Variants in KCTD14 observed in about 807,000 individuals in gnomAD.
KCTD14 encodes potassium channel tetramerization domain containing 14.
KCTD14 carries 7 observed loss-of-function variants against 5.9 expected under a neutral mutation model. The observed-to-expected ratio is 1.19, with a 90% confidence interval of 0.68 to 2.23. The LOEUF (loss-of-function observed/expected upper bound fraction) is 2.23. Among genes scored for constraint, KCTD14 ranks in the 30% most tolerant of loss-of-function variants. KCTD14 has a pLI of 0.00. For synonymous variants in KCTD14, 140 were observed against 133.1 expected (o/e 1.05, Z -0.36); for missense variants, 342 against 332.2 (o/e 1.03, Z -0.23).
At chr11:78,020,524 C>G (rs182492017) in intron 1 of KCTD14, among the ~76,000 whole-genome samples, 187 of 152,338 alleles carry the variant, frequency 1.2e-3, no homozygotes, top group African/African-American at 4.4e-3. Context: ...GATTCTTTCT[C>G]CCATAAACCT....
upstream of KCTD14, chr11:78,023,603 C>G: frequency 4.4e-6 from 1 of 226,842 alleles, no homozygotes; most frequent in Non-Finnish European, 8.8e-6. Flanking sequence ...ACCTCAACCT[C>G]CTGGGCTCAA....
At chr11:78,037,775 C>T (rs900943337) in intron 2 of KCTD14, among the ~76,000 whole-genome samples, 3 of 152,026 alleles carry the variant, frequency 2.0e-5, no homozygotes, top group African/African-American at 4.8e-5. Context: ...GCCAAGATCG[C>T]GCCACTGCAC....
chr11:78,039,191 CT>C (rs1857917933), intron 1 of KCTD14, among the ~76,000 whole-genome samples: 1 of 151,926 alleles, frequency 6.6e-6, no homozygotes, highest in Non-Finnish European at 1.5e-5. Context: ...TATATATCCA[CT>C]AACAAAACTT....
At chr11:78,025,007 A>G (rs1857411640), upstream of KCTD14, among the ~76,000 whole-genome samples, 1 of 147,744 alleles carries the variant, frequency 6.8e-6, no homozygotes, top group South Asian at 2.1e-4. Flanking sequence ...ATTTGTATAT[A>G]TATATTCCAT....
intron 1 of KCTD14, among the ~76,000 whole-genome samples, chr11:78,042,133 C>T (rs978736707): frequency 6.6e-6 from 1 of 152,216 alleles, no homozygotes; most frequent in African/African-American, 2.4e-5. Flanking sequence ...CTCCATCTTG[C>T]TTCTGGTGTC....
At chr11:78,024,739 A>G (rs186073697), upstream of KCTD14, among the ~76,000 whole-genome samples, 11 of 151,974 alleles carry the variant, frequency 7.2e-5, no homozygotes, top group Non-Finnish European at 1.6e-4. Context: ...TGAGGTTAGG[A>G]GTTCGAGACC....
rs567407816 is a variant in KCTD14, at chr11:78,017,574, C to T, written c.91-304G>A. ...ACTCTCCTGCCTCAGCCTCCCTAATCGCTGGGACTGCAGGCGCCTGCCATC... is the reference window on the plus strand; with the variant it reads ...ACTCTCCTGCCTCAGCCTCCCTAATTGCTGGGACTGCAGGCGCCTGCCATC... On this transcript the variant is annotated intron_variant, in intron 1 of 1. Coordinates refer to ENST00000353172, the MANE Select transcript of KCTD14 (RefSeq NM_023930.4). Among the ~76,000 whole-genome samples, 13 of 151,404 alleles carry T rather than the reference C, an allele frequency of 8.6e-5. No individual in the cohort carries two copies. The South Asian group carries it at 2.5e-3, about 29-fold the overall frequency.
intron 2 of KCTD14, among the ~76,000 whole-genome samples, chr11:78,034,448 T>C (rs1191725073): frequency 6.6e-6 from 1 of 151,924 alleles, no homozygotes; most frequent in Non-Finnish European, 1.5e-5. Context: ...TTTTATACTG[T>C]CTTAATCTTT....
intron 2 of KCTD14, among the ~76,000 whole-genome samples, chr11:78,030,863 A>G (rs183850587): frequency 6.6e-6 from 1 of 152,128 alleles, no homozygotes; most frequent in African/African-American, 2.4e-5. Flanking sequence ...AGTCCTGCAG[A>G]GAAGGAGACC....
At chr11:78,019,783 G>C (rs987491861) in intron 1 of KCTD14, among the ~76,000 whole-genome samples, 2 of 152,200 alleles carry the variant, frequency 1.3e-5, no homozygotes, top group African/African-American at 4.8e-5. Flanking sequence ...AAGTTTGGTT[G>C]TTCAACAAAA....
In KCTD14 at chr11:78,023,177, G is replaced by T; in HGVS notation, c.73C>A (p.Arg25=). The T allele has an allele frequency of 1.3e-6, 2 of 1,589,660 alleles. No homozygotes were observed. The highest frequency in any genetic ancestry group is 1.7e-6 in the Non-Finnish European group (2 of 1,169,626). ...GCACTTACCGTTGGCCGCCTGGGCC[G>T]GGGGGACTGGGGCAGAGGGGTCTGG... ...TSQTPLPQSP[R]PRRPTMSTVV... Residue 25 remains arginine (R), a synonymous_variant, in exon 1 of 2, where the codon CGG becomes AGG. Transcript: ENST00000353172.
intron 2 of KCTD14, among the ~76,000 whole-genome samples, chr11:78,037,480 T>C (rs1437286886): frequency 2.0e-5 from 3 of 152,196 alleles, no homozygotes; most frequent in Admixed American, 6.5e-5. Context: ...GTTCACCAGC[T>C]GGTGCCAATA....
chr11:78,035,852 A>AAC (rs1444138397), intron 2 of KCTD14, among the ~76,000 whole-genome samples: 1 of 147,014 alleles, frequency 6.8e-6, no homozygotes, highest in African/African-American at 2.5e-5. Context: ...CTCAAAAAAA[A>AAC]AAAAAAAAAA....
intron 1 of KCTD14, among the ~76,000 whole-genome samples, chr11:78,039,459 G>T (rs1332973315): frequency 6.6e-6 from 1 of 151,986 alleles, no homozygotes; most frequent in Admixed American, 6.6e-5. Flanking sequence ...AGCCCCAGTA[G>T]TTGAGGCTGC....
intron 1 of KCTD14, among the ~76,000 whole-genome samples, chr11:78,042,748 A>T (rs940488269): frequency 3.3e-5 from 5 of 152,154 alleles, no homozygotes; most frequent in Non-Finnish European, 5.9e-5. Flanking sequence ...GAAAGGGAAA[A>T]GTTCTCTCTC....
At chr11:78,023,341 T>A, upstream of KCTD14, 1 of 1,256,706 alleles carries the variant, frequency 8.0e-7, no homozygotes, top group Admixed American at 2.0e-5. Flanking sequence ...GAGCCAGGCG[T>A]GGCTTGCAGT....
chr11:78,022,600 C>T (rs1222625013), intron 1 of KCTD14, among the ~76,000 whole-genome samples: 2 of 152,084 alleles, frequency 1.3e-5, no homozygotes, highest in African/African-American at 4.8e-5. Context: ...TCCCAGAGTG[C>T]ACGCAGCCTT....
chr11:78,016,650 G>A lies in KCTD14; in HGVS notation c.711C>T (p.Pro237=). The change falls in exon 2 of 2, where the codon CCC becomes CCT. Residue 237 remains proline (P), a synonymous_variant. Coordinates refer to ENST00000353172, the MANE Select transcript of KCTD14 (RefSeq NM_023930.4). ...TAAAATGGAATTCGTTTCTTTTGGTGGGGTACGTCAGGTAGAACTTGGAGA... is the reference window on the plus strand; with the variant it reads ...TAAAATGGAATTCGTTTCTTTTGGTAGGGTACGTCAGGTAGAACTTGGAGA... ...KVFSKFYLTY[P]TKRNEFHFNI... The A allele has an allele frequency of 1.2e-6, 2 of 1,614,170 alleles. No individual in the cohort carries two copies. Among genetic ancestry groups the A allele is most frequent in the Non-Finnish European group, 1.7e-6 (2 of 1,180,026 alleles).
chr11:78,022,343 A>C (rs35414616), intron 1 of KCTD14, among the ~76,000 whole-genome samples: 12,134 of 152,134 alleles, frequency 0.08, 669 homozygotes, highest in Non-Finnish European at 0.12. Context: ...TATTCTGTTC[A>C]AGGCCAATCT....
Sources: gnomAD v4.1 joint callset for allele counts (sites outside exome capture counted in the v4.1 genomes callset) on GRCh38, gnomAD v4.1.1 for gene constraint, MANE v1.5 for transcripts, NCBI Gene and HGNC (gene_info 2026-07-23, HGNC 2026-07-21) for gene names.